Variants in KALRN observed in about 807,000 individuals in gnomAD.
KALRN encodes kalirin RhoGEF kinase.
KALRN carries 70 observed loss-of-function variants against 353.7 expected under a neutral mutation model. The ratio of observed to expected loss-of-function variants is 0.20; its 90% CI spans 0.16 to 0.24. KALRN has a LOEUF of 0.24. Among genes scored for constraint, KALRN ranks in the 10% least tolerant of loss-of-function variants. KALRN has a pLI of 1.00. For synonymous variants in KALRN, 1,391 were observed against 1,434.8 expected (o/e 0.97, Z 0.69); for missense variants, 2,791 against 3,756.7 (o/e 0.74, Z 6.72).
rs71145451 is a variant in KALRN at position 124,405,638 on chromosome 3, G to GT, written c.2346+6792dup. The stretch of plus-strand genomic sequence containing the variant: ...TTGTGATTATATCAAGGACCTCAGG[G>GT]TTTTTTTTTTTTTTTTTTTTTTTTT... On this transcript the variant is annotated intron_variant, in intron 13 of 59. Coordinates refer to ENST00000682506, the MANE Select transcript of KALRN (RefSeq NM_001388419.1). Among the ~76,000 whole-genome samples the GT allele has an allele frequency of 8.0e-3, 671 of 83,820 alleles. 1 individual carries two copies. Among genetic ancestry groups the GT allele is most frequent in the Non-Finnish European group, 9.7e-3 (435 of 44,636 alleles). 55.0% of individuals were successfully genotyped at this position (83,820 alleles called of 152,430 possible). A position where few individuals can be genotyped will look rare whatever the true frequency, so the allele number is the denominator to read the frequency against.
At chr3:124,512,682 T>TA (rs2066063146) in intron 33 of KALRN, among the ~76,000 whole-genome samples, 1 of 151,814 alleles carries the variant, frequency 6.6e-6, no homozygotes, top group African/African-American at 2.4e-5. Context: ...AATTAAAAAT[T>TA]TAAAAAAAAA....
At position 124,385,018 on chromosome 3, in the gene KALRN, C is replaced by T; in HGVS notation, c.1944C>T (p.Phe648=). ...RKLLLDMSVS[F]HTHTKELWTW... is the part of the protein sequence containing the mutation. ...TTCTCCTGGACATGTCTGTTTCCTT[C>T]CACACACACACCAAAGAGGTAAGGG... Residue 648 remains phenylalanine, a synonymous_variant, in exon 11 of 60, where the codon TTC becomes TTT. Coordinates refer to ENST00000682506, the MANE Select transcript of KALRN (RefSeq NM_001388419.1). The T allele has an allele frequency of 1.9e-6, 3 of 1,606,000 alleles. No homozygotes were observed. Among genetic ancestry groups the T allele is most frequent in the Non-Finnish European group, 2.6e-6 (3 of 1,175,238 alleles).
intron 3 of KALRN, among the ~76,000 whole-genome samples, chr3:124,263,094 T>A (rs959716127): frequency 6.6e-6 from 1 of 152,244 alleles, no homozygotes; most frequent in African/African-American, 2.4e-5. Context: ...TTTTTTTTCT[T>A]CCTATTCTCA....
chr3:124,552,938 G>A (rs1012202785), intron 33 of KALRN, among the ~76,000 whole-genome samples: 1 of 152,070 alleles, frequency 6.6e-6, no homozygotes, highest in Non-Finnish European at 1.5e-5. Context: ...GCTAATTTTT[G>A]TATTTTTGGT....
At chr3:124,572,353 A>G (rs1289655332) in intron 34 of KALRN, among the ~76,000 whole-genome samples, 1 of 152,106 alleles carries the variant, frequency 6.6e-6, no homozygotes, top group Non-Finnish European at 1.5e-5. Flanking sequence ...AAAAACAAAA[A>G]AAAAAACAGG....
chr3:124,159,459 A>G (rs1006652288), intron 1 of KALRN, among the ~76,000 whole-genome samples: 6 of 151,604 alleles, frequency 4.0e-5, no homozygotes, highest in African/African-American at 1.2e-4. Flanking sequence ...TTTTGTAGAG[A>G]TGGGGTTTTG....
intron 1 of KALRN, among the ~76,000 whole-genome samples, chr3:124,109,118 T>C (rs753875053): frequency 6.6e-6 from 1 of 152,208 alleles, no homozygotes; most frequent in African/African-American, 2.4e-5. Context: ...TTATTTAGTC[T>C]GCCTAGGTTA....
At chr3:124,687,666 G>C (rs77546346) in intron 51 of KALRN, among the ~76,000 whole-genome samples, 24,173 of 148,684 alleles carry the variant, frequency 0.16, 3,140 homozygotes, top group Middle Eastern at 0.22. Context: ...AAACCATATG[G>C]AATTTTTTTA....
At chr3:124,524,059 G>A (rs2067378229) in intron 33 of KALRN, among the ~76,000 whole-genome samples, 1 of 152,196 alleles carries the variant, frequency 6.6e-6, no homozygotes, top group African/African-American at 2.4e-5. Context: ...CTACAAAAAT[G>A]AGTTTGAAAT....
chr3:124,565,756 G>A (rs1029867644), intron 34 of KALRN, among the ~76,000 whole-genome samples: 2 of 152,160 alleles, frequency 1.3e-5, no homozygotes, highest in African/African-American at 4.8e-5. Flanking sequence ...TCCCTGCTGG[G>A]GCTGCCACAT....
At chr3:124,666,727 A>G (rs2085675527) in intron 46 of KALRN, 93 bp downstream of exon 46, 1 of 987,652 alleles carries the variant, frequency 1.0e-6, no homozygotes, top group Non-Finnish European at 1.5e-6. Context: ...TGTGACATCC[A>G]GAACCGTGAA....
chr3:124,234,761 C>A (rs1319529571), intron 2 of KALRN, 68 bp from the exon 3 acceptor site: 1 of 1,245,730 alleles, frequency 8.0e-7, no homozygotes, highest in Middle Eastern at 1.8e-4. Context: ...AGACAGATTT[C>A]TTTTTCCTCT....
intron 45 of KALRN, among the ~76,000 whole-genome samples, chr3:124,664,318 C>T (rs1308165945): frequency 6.8e-6 from 1 of 148,038 alleles, no homozygotes; most frequent in African/African-American, 2.5e-5. Flanking sequence ...TTCACAGGAG[C>T]TGTGTTGTAC....
At chr3:124,378,582 T>G (rs1026532462) in intron 10 of KALRN, among the ~76,000 whole-genome samples, 2 of 152,154 alleles carry the variant, frequency 1.3e-5, no homozygotes, top group African/African-American at 4.8e-5. Flanking sequence ...GTCTTGCAAA[T>G]CTGCTAGTGA....
chr3:124,660,408 G>T, intron 43 of KALRN, among the ~76,000 whole-genome samples: 1 of 152,094 alleles, frequency 6.6e-6, no homozygotes, highest in Non-Finnish European at 1.5e-5. Context: ...GAGGCTGGGT[G>T]CAGTCACTCA....
intron 37 of KALRN, 133 bp downstream of exon 37, chr3:124,637,436 TA>T: frequency 1.4e-6 from 1 of 709,062 alleles, no homozygotes; most frequent in South Asian, 1.7e-5. Flanking sequence ...TGATGGTTTC[TA>T]AAAAGCTGTA....
chr3:124,716,005 A>G (rs1398577873), intron 58 of KALRN, among the ~76,000 whole-genome samples: 13 of 151,958 alleles, frequency 8.6e-5, no homozygotes, highest in Admixed American at 7.9e-4. Context: ...TTATATTAAT[A>G]TAATGAATAA....
chr3:124,212,646 A>T (rs2076998682), intron 1 of KALRN, among the ~76,000 whole-genome samples: 1 of 152,104 alleles, frequency 6.6e-6, no homozygotes, highest in African/African-American at 2.4e-5. Context: ...AAGGGATATC[A>T]CTAGATCACT....
chr3:124,527,584 A>T (rs907735997), intron 33 of KALRN, among the ~76,000 whole-genome samples: 1 of 151,808 alleles, frequency 6.6e-6, no homozygotes, highest in Non-Finnish European at 1.5e-5. Context: ...AGCCTGGGCG[A>T]CAGAGCAAGA....
Sources: gnomAD v4.1 joint callset for allele counts (sites outside exome capture counted in the v4.1 genomes callset) on GRCh38, gnomAD v4.1.1 for gene constraint, MANE v1.5 for transcripts, NCBI Gene and HGNC (gene_info 2026-07-23, HGNC 2026-07-21) for gene names.